The following MYOM1 variants were observed in gnomAD, a reference collection of about 807,000 sequenced individuals.
MYOM1 encodes myomesin 1, also known as myomesin-1.
A neutral mutation model predicts 205.3 loss-of-function variants in MYOM1; 164 were observed. That is an observed-to-expected ratio of 0.80 (90% CI 0.70 to 0.91). The LOEUF (loss-of-function observed/expected upper bound fraction) is 0.91. Ranked by LOEUF, MYOM1 falls within the 40% of genes least tolerant of loss-of-function variation. The pLI is 0.00. For missense variants in MYOM1, 2,011 were observed against 2,127.3 expected, an observed-to-expected ratio of 0.95 and a Z score of 1.08; for synonymous variants, 772 against 789.4, an observed-to-expected ratio of 0.98 and a Z score of 0.37.
At chr18:3,099,602 T>A (rs2079351028) in intron 25 of MYOM1, among the ~76,000 whole-genome samples, 1 of 152,160 alleles carries the variant, frequency 6.6e-6, no homozygotes, top group African/African-American at 2.4e-5. Flanking sequence ...TCTCTTAGTG[T>A]CAAGTGTGGA....
In MYOM1 at chr18:3,090,723, G is replaced by A. The variant is rs748195985; in HGVS notation, c.3944C>T (p.Thr1315Met). 29 of 1,613,724 alleles carry A rather than the reference G, an allele frequency of 1.8e-5. No homozygotes were observed. The highest frequency in any genetic ancestry group is 1.6e-4 in the Middle Eastern group (1 of 6,084). Reference sequence around the variant, plus strand: ...TCCATCTTGAAGCTGGAAAGTGTACGTTCCCTCATCCTCATCCTGTAGCTT... The same window carrying A: ...TCCATCTTGAAGCTGGAAAGTGTACATTCCCTCATCCTCATCCTGTAGCTT... ...MEKLQDEDEGTYTFQLQDGKA... is the reference protein window; with the variant it reads ...MEKLQDEDEGMYTFQLQDGKA... The change falls in exon 27 of 38, where the codon ACG becomes ATG. Residue 1315 changes from threonine to methionine, a missense_variant. Coordinates refer to ENST00000356443, the MANE Select transcript of MYOM1 (RefSeq NM_003803.4).
At chr18:3,163,770 G>A (rs913645933) in intron 10 of MYOM1, among the ~76,000 whole-genome samples, 7 of 151,676 alleles carry the variant, frequency 4.6e-5, no homozygotes, top group East Asian at 1.9e-4. Context: ...TATTGGAAAC[G>A]AACATATTCT....
Position 3,188,910 on chromosome 18 carries a change from T to C in MYOM1, c.609A>G (p.Thr203=), listed in dbSNP as rs562448650. The change falls in exon 4 of 38, where the codon ACA becomes ACG. Residue 203 remains threonine, a synonymous_variant. Coordinates refer to ENST00000356443, the MANE Select transcript of MYOM1 (RefSeq NM_003803.4). Reference sequence around the variant, plus strand: ...TGGATGCCGTGGACTGCTTGGATGCTGTGGACTGCTTGGATGCCGTGGACT... The same window carrying C: ...TGGATGCCGTGGACTGCTTGGATGCCGTGGACTGCTTGGATGCCGTGGACT... The part of the protein sequence containing the change: ...SKQSTASKQS[T]ASKQSTASRQ... 56 of 1,609,070 alleles carry C rather than the reference T, an allele frequency of 3.5e-5. No individual in the cohort carries two copies. The highest frequency in any genetic ancestry group is 1.5e-4 in the African/African-American group (11 of 74,130).
At chr18:3,083,514 C>T (rs774770600) in intron 33 of MYOM1, among the ~76,000 whole-genome samples, 36 of 146,662 alleles carry the variant, frequency 2.5e-4, no homozygotes, top group Non-Finnish European at 3.7e-4. Flanking sequence ...CTGCAACATC[C>T]GCCTCCTGGG....
rs2080881712 is a variant in MYOM1, at chr18:3,189,932, G to A, written c.432-845C>T. The stretch of plus-strand genomic sequence containing the variant: ...CTGGAGTTGTTACAGGTATGAATAA[G>A]TTCTGAATTTACATGAGGTTCCTTA... On this transcript the variant is annotated intron_variant, in intron 3 of 37. Coordinates refer to ENST00000356443, the MANE Select transcript of MYOM1 (RefSeq NM_003803.4). The surrounding 1 kb of genome is among the most constrained non-coding windows in gnomAD (Gnocchi z 4.8). 6.6e-6 allele frequency among the ~76,000 whole-genome samples: 1 copy of A among 152,100 alleles called. No individual in the cohort carries two copies. Among genetic ancestry groups the A allele is most frequent in the African/African-American group, 2.4e-5 (1 of 41,422 alleles).
chr18:3,112,394 C>A lies in MYOM1; in HGVS notation c.3322G>T (p.Gly1108Cys). 2 of 1,606,296 alleles carry A rather than the reference C, an allele frequency of 1.2e-6. No homozygotes were observed. The highest frequency in any genetic ancestry group is 1.7e-6 in the Non-Finnish European group (2 of 1,174,812). ...VYLKVRGLKEGVSYVFRVRAI... is the reference protein window; with the variant it reads ...VYLKVRGLKECVSYVFRVRAI... The stretch of plus-strand genomic sequence containing the variant: ...CGAACACGGAACACGTAGCTGACGC[C>A]CTCCTTGAGGCCTCGAACCTGGTAG... Residue 1108 changes from glycine to cysteine, a missense_variant, in exon 22 of 38, where the codon GGC becomes TGC. Coordinates refer to ENST00000356443, the MANE Select transcript of MYOM1 (RefSeq NM_003803.4).
the MYOM1 span, among the ~76,000 whole-genome samples, chr18:3,229,760 G>A: frequency 7.9e-5 from 12 of 152,044 alleles, no homozygotes; most frequent in Admixed American, 7.9e-4. Flanking sequence ...ACCTGAGGTC[G>A]AGAGTTCAAG....
chr18:3,245,029 C>T, the MYOM1 span, among the ~76,000 whole-genome samples: 31 of 151,866 alleles, frequency 2.0e-4, no homozygotes, highest in Admixed American at 9.2e-4. Flanking sequence ...GACTGACTAT[C>T]TGCAAGTCAG....
intron 13 of MYOM1, among the ~76,000 whole-genome samples, chr18:3,147,198 G>A (rs1252377531): frequency 6.9e-6 from 1 of 145,290 alleles, no homozygotes; most frequent in Non-Finnish European, 1.5e-5. Context: ...CTAACTTTTT[G>A]TCAGAGTTTG....
At chr18:3,069,824 A>C (rs1442491976) in intron 37 of MYOM1, among the ~76,000 whole-genome samples, 1 of 152,200 alleles carries the variant, frequency 6.6e-6, no homozygotes. Context: ...TTTCATATAC[A>C]TTCTCTTTCT....
intron 2 of MYOM1, among the ~76,000 whole-genome samples, chr18:3,210,648 T>C (rs980380534): frequency 1.3e-5 from 2 of 152,188 alleles, no homozygotes; most frequent in Non-Finnish European, 2.9e-5. Context: ...GTTATTTTGG[T>C]ATTCAATAGC....
chr18:3,081,802 C>A (rs2079089266), intron 33 of MYOM1, among the ~76,000 whole-genome samples: 1 of 152,146 alleles, frequency 6.6e-6, no homozygotes, highest in Non-Finnish European at 1.5e-5. Flanking sequence ...ATTTTTATGA[C>A]TCAGGAAATA....
At chr18:3,097,375 TGGGTTG>T (rs138175673) in intron 25 of MYOM1, among the ~76,000 whole-genome samples, 12,424 of 152,096 alleles carry the variant, frequency 0.082, 532 homozygotes, top group East Asian at 0.15. Context: ...AAAACACCCT[TGGGTTG>T]GGGGCTCTGA....
chr18:3,202,009 TACA>T (rs2081074914), intron 2 of MYOM1, among the ~76,000 whole-genome samples: 1 of 152,214 alleles, frequency 6.6e-6, no homozygotes, highest in Non-Finnish European at 1.5e-5. Context: ...TTGTTGGGTT[TACA>T]ACATTCATAG....
At chr18:3,112,677 A>G (rs2079544920) in intron 21 of MYOM1, among the ~76,000 whole-genome samples, 1 of 152,230 alleles carries the variant, frequency 6.6e-6, no homozygotes, top group African/African-American at 2.4e-5. Flanking sequence ...TAGTTAATTT[A>G]GTGGCCACCA....
chr18:3,123,827 A>ATTTTTTTTTTTTTTTT (rs5822739), intron 19 of MYOM1, among the ~76,000 whole-genome samples: 5 of 147,380 alleles, frequency 3.4e-5, no homozygotes, highest in African/African-American at 1.0e-4. Flanking sequence ...ATTTTTATTT[A>ATTTTTTTTTTTTTTTT]TTTATTTTTT....
At chr18:3,198,526 C>T (rs941169867) in intron 2 of MYOM1, among the ~76,000 whole-genome samples, 15 of 152,158 alleles carry the variant, frequency 9.9e-5, no homozygotes, top group Non-Finnish European at 1.8e-4. Flanking sequence ...TGGCTTACAC[C>T]TGTAATCTCA....
At chr18:3,229,721 G>A in the MYOM1 span, among the ~76,000 whole-genome samples, 1 of 152,116 alleles carries the variant, frequency 6.6e-6, no homozygotes, top group Non-Finnish European at 1.5e-5. Context: ...TGTAATCCCA[G>A]CACTTTGGGA....
rs764759758 is a variant in MYOM1 at position 3,089,610 on chromosome 18, A to C, written c.4010-14T>G. On this transcript the variant is annotated splice_polypyrimidine_tract_variant and intron_variant, in intron 27 of 37. Coordinates refer to ENST00000356443, the MANE Select transcript of MYOM1 (RefSeq NM_003803.4). ...GCTTTTTGAAAACTACAAATTGAAAAACAAGGAAGTGTGAAATTGAGTTGG... is the reference window on the plus strand; with the variant it reads ...GCTTTTTGAAAACTACAAATTGAAACACAAGGAAGTGTGAAATTGAGTTGG... 2.5e-6 allele frequency: 4 copies of C among 1,601,572 alleles called. No individual in the cohort carries two copies. Among genetic ancestry groups the C allele is most frequent in the African/African-American group, 1.3e-5 (1 of 74,894 alleles).
Sources: gnomAD v4.1 joint callset for allele counts (sites outside exome capture counted in the v4.1 genomes callset) on GRCh38, gnomAD v4.1.1 for gene constraint, Gnocchi (gnomAD v3.1) non-coding constraint, MANE v1.5 for transcripts, NCBI Gene and HGNC (gene_info 2026-07-23, HGNC 2026-07-21) for gene names.